The following SLC6A19 variants were observed in gnomAD, a reference collection of about 807,000 sequenced individuals.
SLC6A19 encodes the protein sodium-dependent neutral amino acid transporter B(0)AT1.
In SLC6A19, 67 loss-of-function variants were observed where a neutral mutation model predicts 68.3. That is an observed-to-expected ratio of 0.98 (90% CI 0.81 to 1.20). The LOEUF (loss-of-function observed/expected upper bound fraction) is 1.20. SLC6A19 is among the 50% of genes most tolerant of loss of function. The pLI is 0.00. For missense variants in SLC6A19, 813 were observed against 851.6 expected, an observed-to-expected ratio of 0.95 and a Z score of 0.56; for synonymous variants, 392 against 374.9, an observed-to-expected ratio of 1.05 and a Z score of -0.53.
intron 3 of SLC6A19, among the ~76,000 whole-genome samples, 179 bp downstream of exon 3, chr5:1,210,760 G>C (rs1017744160): frequency 2.6e-5 from 4 of 152,218 alleles, no homozygotes; most frequent in Non-Finnish European, 4.4e-5. Context: ...GCTCTTGTGT[G>C]GGGGGCGTGG....
At chr5:1,219,201 C>CAGCTCTGTCCCCGGCCGTGT (rs1746292312) in intron 9 of SLC6A19, 94 bp downstream of exon 9, 1 of 1,001,712 alleles carries the variant, frequency 1.0e-6, no homozygotes, top group Non-Finnish European at 1.4e-6. Flanking sequence ...CCCGGCCGTG[C>CAGCTCTGTCCCCGGCCGTGT]GTGCAGCCCC....
intron 6 of SLC6A19, 43 bp from the exon 7 acceptor site, chr5:1,216,515 G>A (rs775801773): frequency 6.2e-7 from 1 of 1,613,288 alleles, no homozygotes; most frequent in South Asian, 1.1e-5. Flanking sequence ...GTCCTGACCT[G>A]GGACCTCATC....
rs984016897 is a variant in SLC6A19, at chr5:1,212,861, G to A, written c.663+377G>A. On this transcript the variant is annotated intron_variant, in intron 4 of 11. Transcript: ENST00000304460. The surrounding 1 kb of genome is among the most constrained non-coding windows in gnomAD (Gnocchi z 5.1). ...GTAAGGCTTGATCTTCCCCTACATG[G>A]GAATCTTTGGTACGAGGTCCAGAGC... Among the ~76,000 whole-genome samples the A allele has an allele frequency of 6.6e-6, 1 of 152,080 alleles. No individual in the cohort carries two copies. The highest frequency in any genetic ancestry group is 2.4e-5 in the African/African-American group (1 of 41,364).
intron 2 of SLC6A19, among the ~76,000 whole-genome samples, chr5:1,210,062 G>A (rs897504336): frequency 2.0e-5 from 3 of 152,238 alleles, no homozygotes. Context: ...CCCCCAGCCC[G>A]TAGGCAGCAA....
intron 1 of SLC6A19, among the ~76,000 whole-genome samples, chr5:1,208,248 G>A (rs1455874049): frequency 3.9e-5 from 6 of 152,136 alleles, no homozygotes; most frequent in Non-Finnish European, 8.8e-5. Flanking sequence ...TCTCCCCACA[G>A]GCATGCCAAA....
chr5:1,211,544 T>A (rs1561164460), intron 3 of SLC6A19, among the ~76,000 whole-genome samples: 1 of 152,232 alleles, frequency 6.6e-6, no homozygotes, highest in Non-Finnish European at 1.5e-5. Flanking sequence ...GAATGTGTGC[T>A]CGTGTGCTCA....
intron 1 of SLC6A19, among the ~76,000 whole-genome samples, chr5:1,202,795 T>C (rs2126489558): frequency 6.6e-6 from 1 of 152,304 alleles, no homozygotes; most frequent in African/African-American, 2.4e-5. Context: ...GGCTTTGTGA[T>C]GTGAAGGTTT....
Position 1,201,668 on chromosome 5 carries a change from GC to G in SLC6A19, c.21del (p.Asn8ThrfsTer4). The G allele has an allele frequency of 6.2e-7, 1 of 1,607,732 alleles. No individual in the cohort carries two copies. Among genetic ancestry groups the G allele is most frequent in the Non-Finnish European group, 8.5e-7 (1 of 1,179,520 alleles). On this transcript the variant is annotated frameshift_variant, in exon 1 of 12. Coordinates refer to ENST00000304460, the MANE Select transcript of SLC6A19 (RefSeq NM_001003841.3). LOFTEE classifies it high-confidence loss of function. ...CGACCACCATGGTGAGGCTCGTGCT[GC>G]CCAACCCCGGCCTAGACGCCCGGAT... MVRLVL[P>X]NPGLDARIPS...
chr5:1,201,914 A>G, intron 1 of SLC6A19, 62 bp downstream of exon 1: 2 of 1,554,406 alleles, frequency 1.3e-6, no homozygotes, highest in Non-Finnish European at 1.7e-6. Flanking sequence ...ACACACGCAG[A>G]GGCCCTGGGC....
intron 5 of SLC6A19, 34 bp downstream of exon 5, chr5:1,213,607 C>A: frequency 6.3e-7 from 1 of 1,579,686 alleles, no homozygotes; most frequent in Non-Finnish European, 8.7e-7. Context: ...GCCCAGACCC[C>A]GGGAGAGGCC....
At chr5:1,220,278 T>C (rs1287533071) in intron 10 of SLC6A19, among the ~76,000 whole-genome samples, 4 of 151,758 alleles carry the variant, frequency 2.6e-5, no homozygotes, top group Admixed American at 1.3e-4. Flanking sequence ...GGCATGGTGG[T>C]GCATGCCTGT....
rs941731987 is a variant in SLC6A19 at position 1,214,681 on chromosome 5, C to T, written c.887+616C>T. On this transcript the variant is annotated intron_variant, in intron 6 of 11. Transcript: ENST00000304460. This position sits in a 1 kb window ranked among gnomAD's most constrained non-coding sequence, Gnocchi z 7.4. Reference sequence around the variant, plus strand: ...TTGACAAGCAAGTGCAGAAGTTGTCCTCTGTGTGGTGACCAGAATTTCAGA... The same window carrying T: ...TTGACAAGCAAGTGCAGAAGTTGTCTTCTGTGTGGTGACCAGAATTTCAGA... Among the ~76,000 whole-genome samples, 6 of 152,160 alleles carry T rather than the reference C, an allele frequency of 3.9e-5. No individual in the cohort carries two copies. Among genetic ancestry groups the T allele is most frequent in the African/African-American group, 1.2e-4 (5 of 41,422 alleles).
chr5:1,219,466 C>T (rs867054948), intron 9 of SLC6A19, 39 bp from the exon 10 acceptor site: 2 of 1,606,196 alleles, frequency 1.2e-6, no homozygotes, highest in Middle Eastern at 3.4e-4. Context: ...GTGCGTGCAG[C>T]CCCTGGGCGT....
Position 1,216,891 on chromosome 5 carries a change from G to T in SLC6A19, c.1119G>T (p.Ala373=). ...AGCGGTGCAACGCCTCCGACCCCGCGGCCTACGCGCAGCTGGTGTTCCAGA... is the reference window on the plus strand; with the variant it reads ...AGCGGTGCAACGCCTCCGACCCCGCTGCCTACGCGCAGCTGGTGTTCCAGA... The part of the protein sequence containing the change: ...MQQRCNASDP[A]AYAQLVFQTC... The change falls in exon 8 of 12, where the codon GCG becomes GCT. Residue 373 remains alanine, a synonymous_variant. Transcript: ENST00000304460. 2.5e-6 allele frequency: 4 copies of T among 1,613,638 alleles called. No individual in the cohort carries two copies. The South Asian group carries it at 4.4e-5, about 18-fold the overall frequency.
rs1268547670 is a variant in SLC6A19 at position 1,212,292 on chromosome 5, C to CCT, written c.482-7_482-6dup. 6.2e-7 allele frequency: 1 copy of CCT among 1,612,926 alleles called. No homozygotes were observed. The highest frequency in any genetic ancestry group is 8.5e-7 in the Non-Finnish European group (1 of 1,179,894). On this transcript the variant is annotated splice_polypyrimidine_tract_variant and intron_variant, in intron 3 of 11. Coordinates refer to ENST00000304460, the MANE Select transcript of SLC6A19 (RefSeq NM_001003841.3). The surrounding 1 kb of genome is among the most constrained non-coding windows in gnomAD (Gnocchi z 5.1). ...CCGTACCCTGAGGTGTGTGAATGGC[C>CCT]CTCTCCCCAGGGTATGTGGACGAGT...
Position 1,212,322 on chromosome 5 carries a change from C to A in SLC6A19, c.501C>A (p.Ala167=). The A allele has an allele frequency of 6.2e-7, 1 of 1,613,620 alleles. No individual in the cohort carries two copies. Among genetic ancestry groups the A allele is most frequent in the Non-Finnish European group, 8.5e-7 (1 of 1,179,942 alleles). ...CCCCAGGGTATGTGGACGAGTGCGCCAGGAGCTCCCCTGTGGACTACTTCT... is the reference window on the plus strand; with the variant it reads ...CCCCAGGGTATGTGGACGAGTGCGCAAGGAGCTCCCCTGTGGACTACTTCT... ...ENQTGYVDEC[A]RSSPVDYFWY... The change falls in exon 4 of 12, where the codon GCC becomes GCA. Residue 167 remains alanine (A), a synonymous_variant. Coordinates refer to ENST00000304460, the MANE Select transcript of SLC6A19 (RefSeq NM_001003841.3). This position sits in a 1 kb window ranked among gnomAD's most constrained non-coding sequence, Gnocchi z 5.1.
intron 10 of SLC6A19, among the ~76,000 whole-genome samples, chr5:1,220,614 C>T (rs542081574): frequency 4.6e-4 from 70 of 152,276 alleles, no homozygotes; most frequent in African/African-American, 1.4e-3. Context: ...CCTCCTCACA[C>T]GCTTCTGCGG....
chr5:1,221,879 C>A lies in SLC6A19; in HGVS notation c.1880C>A (p.Ser627Tyr). 1 of 1,614,190 alleles carries A rather than the reference C, an allele frequency of 6.2e-7. No individual in the cohort carries two copies. The highest frequency in any genetic ancestry group is 1.1e-5 in the South Asian group (1 of 91,088). ...CTGGTGAGCACACTGTCCACAGCCTCCATGAACGGGGACCTGAAGTACTGA... is the reference window on the plus strand; with the variant it reads ...CTGGTGAGCACACTGTCCACAGCCTACATGAACGGGGACCTGAAGTACTGA... ...QGLVSTLSTA[S>Y]MNGDLKY Residue 627 changes from serine to tyrosine, a missense_variant, in exon 12 of 12, where the codon TCC (serine) becomes TAC (tyrosine). Ser to Tyr is a moderately radical substitution (Grantham distance 144). Coordinates refer to ENST00000304460, the MANE Select transcript of SLC6A19 (RefSeq NM_001003841.3).
intron 1 of SLC6A19, 112 bp from the exon 2 acceptor site, chr5:1,208,634 G>C: frequency 4.1e-6 from 6 of 1,452,446 alleles, no homozygotes; most frequent in South Asian, 1.1e-5. Context: ...GTTCCCAAGT[G>C]GTGGGCCGGC....
Sources: gnomAD v4.1 joint callset for allele counts (sites outside exome capture counted in the v4.1 genomes callset) on GRCh38, gnomAD v4.1.1 for gene constraint, Gnocchi (gnomAD v3.1) non-coding constraint, MANE v1.5 for transcripts, NCBI Gene and HGNC (gene_info 2026-07-23, HGNC 2026-07-21) for gene names.